The following FBXO47 variants were observed in gnomAD, a reference collection of about 807,000 sequenced individuals.
The protein encoded by FBXO47 is F-box only protein 47.
Under a neutral mutation model 53.9 loss-of-function variants are expected in FBXO47, and 34 were observed. The ratio of observed to expected loss-of-function variants is 0.63; its 90% CI spans 0.48 to 0.84. FBXO47 has a LOEUF of 0.84. Among genes scored for constraint, FBXO47 ranks in the 40% least tolerant of loss-of-function variants. The pLI, the probability that FBXO47 is intolerant of heterozygous loss-of-function variation, is 0.00. For synonymous variants in FBXO47, 165 were observed against 181.6 expected, an observed-to-expected ratio of 0.91 and a Z score of 0.73; for missense variants, 485 against 541.3, an observed-to-expected ratio of 0.90 and a Z score of 1.03.
intron 9 of FBXO47, among the ~76,000 whole-genome samples, chr17:38,940,443 C>G (rs1263330074): frequency 1.3e-5 from 2 of 151,874 alleles, no homozygotes; most frequent in Admixed American, 1.3e-4. Context: ...CAGTAGCTCC[C>G]TATTAGAAAA....
At chr17:38,966,300 C>T (rs1172329829) in intron 1 of FBXO47, among the ~76,000 whole-genome samples, 3 of 152,280 alleles carry the variant, frequency 2.0e-5, no homozygotes, top group African/African-American at 4.8e-5. Flanking sequence ...CTCCCGGGTT[C>T]AAGCGATTCT....
intron 3 of FBXO47, among the ~76,000 whole-genome samples, chr17:38,960,823 G>T (rs1230117338): frequency 1.3e-5 from 2 of 151,840 alleles, no homozygotes; most frequent in Non-Finnish European, 2.9e-5. Flanking sequence ...GTAGAGACAG[G>T]GTTTCACCAT....
At chr17:38,956,243 A>G (rs970278319) in intron 4 of FBXO47, among the ~76,000 whole-genome samples, 5 of 152,146 alleles carry the variant, frequency 3.3e-5, no homozygotes, top group East Asian at 1.9e-4. Flanking sequence ...CAGAAAGGTC[A>G]TCTGGGAAGC....
intron 6 of FBXO47, among the ~76,000 whole-genome samples, chr17:38,945,951 ATATATAT>A (rs1567716080): frequency 8.4e-6 from 1 of 118,840 alleles, no homozygotes; most frequent in Non-Finnish European, 1.8e-5. Flanking sequence ...AAAAAAAAAT[ATATATAT>A]ATATATAAAT....
intron 1 of FBXO47, 87 bp from the exon 2 acceptor site, chr17:38,963,138 T>C: frequency 2.5e-6 from 2 of 787,722 alleles, no homozygotes; most frequent in Middle Eastern, 2.6e-4. Flanking sequence ...AAGAGGTTGA[T>C]AGTACGATAT....
intron 9 of FBXO47, among the ~76,000 whole-genome samples, chr17:38,942,239 C>T (rs1325730598): frequency 6.6e-6 from 1 of 151,808 alleles, no homozygotes; most frequent in Non-Finnish European, 1.5e-5. Flanking sequence ...AATGAAAATC[C>T]AGACTTGAAG....
chr17:38,955,942 A>G (rs1406980091), intron 4 of FBXO47, among the ~76,000 whole-genome samples: 1 of 130,008 alleles, frequency 7.7e-6, no homozygotes, highest in Non-Finnish European at 1.6e-5. Context: ...TAGGCGGCAG[A>G]GCGAGACTCC....
intron 3 of FBXO47, among the ~76,000 whole-genome samples, chr17:38,960,631 T>TC (rs200986476): frequency 4.8e-5 from 6 of 125,568 alleles, no homozygotes; most frequent in Admixed American, 7.8e-5. Flanking sequence ...ATTCTTTCTC[T>TC]TTTTTTTTTT....
In FBXO47 at chr17:38,942,806, A is replaced by G. The variant is rs201618010; in HGVS notation, c.1055T>C (p.Leu352Pro). 44 of 1,611,396 alleles carry G rather than the reference A, an allele frequency of 2.7e-5. No individual in the cohort carries two copies. The East Asian group carries it at 8.2e-4, about 30-fold the overall frequency. The change falls in exon 9 of 11, where the codon CTG (leucine) becomes CCG (proline). Residue 352 changes from leucine (L) to proline (P), a missense_variant. Coordinates refer to ENST00000378079, the MANE Select transcript of FBXO47 (RefSeq NM_001008777.3). ...SKAVNGRTIE[L>P]ARLVVFLALV... ...AGCCAAAAAGACTACGAGCCTTGCC[A>G]GTTCAATGGTGCGTCCATTCACAGC... is the stretch of plus-strand genomic sequence containing the variant.
intron 6 of FBXO47, among the ~76,000 whole-genome samples, chr17:38,946,620 A>G (rs1904879961): frequency 1.2e-5 from 1 of 80,212 alleles, no homozygotes; most frequent in Non-Finnish European, 2.0e-5. Flanking sequence ...ATAACTATAT[A>G]AATATATATG....
rs1255769216 is a variant in FBXO47, at chr17:38,961,942, A to T, written c.287T>A (p.Phe96Tyr). The T allele has an allele frequency of 6.2e-7, 1 of 1,613,988 alleles. No homozygotes were observed. Among genetic ancestry groups the T allele is most frequent in the African/African-American group, 1.3e-5 (1 of 74,930 alleles). The part of the protein sequence containing the change: ...SGSKRLLLQD[F>Y]HNLELPDRRQ... Reference sequence around the variant, plus strand: ...CCTGTCAGGCAGCTCAAGGTTATGAAAGTCCTGTAGTAAAAGTCTTTTGCT... The same window carrying T: ...CCTGTCAGGCAGCTCAAGGTTATGATAGTCCTGTAGTAAAAGTCTTTTGCT... The change falls in exon 3 of 11, where the codon TTT becomes TAT. Residue 96 changes from phenylalanine to tyrosine, a missense_variant. Transcript: ENST00000378079.
chr17:38,946,397 TATAA>T (rs1904843744), intron 6 of FBXO47, among the ~76,000 whole-genome samples: 1 of 57,984 alleles, frequency 1.7e-5, no homozygotes, highest in Non-Finnish European at 2.9e-5. Context: ...TATATCTATA[TATAA>T]ATATATAGAT....
chr17:38,953,371 T>G (rs1276544753), intron 5 of FBXO47, among the ~76,000 whole-genome samples: 3 of 151,328 alleles, frequency 2.0e-5, no homozygotes, highest in Non-Finnish European at 4.4e-5. Context: ...ATGTCTGTAA[T>G]CCCAGCACTT....
At chr17:38,949,452 C>T (rs1454730533) in intron 6 of FBXO47, among the ~76,000 whole-genome samples, 10 of 150,574 alleles carry the variant, frequency 6.6e-5, no homozygotes, top group African/African-American at 2.5e-4. Context: ...AACAAAACAA[C>T]AATAACAACA....
At chr17:38,938,496 G>A in intron 10 of FBXO47, 77 bp downstream of exon 10, 2 of 1,020,568 alleles carry the variant, frequency 2.0e-6, no homozygotes, top group South Asian at 2.7e-5. Context: ...GACTGTTAGA[G>A]AAAAATATCT....
chr17:38,946,267 TATATATAAAAATATATATAA>T (rs1171688037), intron 6 of FBXO47, among the ~76,000 whole-genome samples: 3,041 of 101,614 alleles, frequency 0.03, 83 homozygotes, highest in Non-Finnish European at 0.044. Context: ...TATGTATAAA[TATATATAAAAATATATATAA>T]ATATATAAAA....
chr17:38,957,007 G>C (rs1297062730), intron 4 of FBXO47, among the ~76,000 whole-genome samples, 170 bp downstream of exon 4: 1 of 152,080 alleles, frequency 6.6e-6, no homozygotes, highest in African/African-American at 2.4e-5. Flanking sequence ...ACTACATTTT[G>C]ACATTATATA....
At chr17:38,943,864 G>T in intron 7 of FBXO47, 128 bp from the exon 8 acceptor site, 2 of 841,870 alleles carry the variant, frequency 2.4e-6, no homozygotes, top group Non-Finnish European at 3.7e-6. Context: ...TTTAACTTTT[G>T]AAACAAGAAG....
At chr17:38,949,861 A>G (rs1023996801) in intron 6 of FBXO47, among the ~76,000 whole-genome samples, 1 of 152,144 alleles carries the variant, frequency 6.6e-6, no homozygotes, top group Non-Finnish European at 1.5e-5. Context: ...CCTCCTGAGT[A>G]GCTGGGATTA....
Sources: allele counts gnomAD v4.1 joint callset (sites outside exome capture counted in the v4.1 genomes callset), GRCh38; gene constraint gnomAD v4.1.1; transcripts MANE v1.5; gene names NCBI Gene and HGNC (gene_info 2026-07-23, HGNC 2026-07-21).